The following CNTNAP2 variants were observed in gnomAD, a reference collection of about 807,000 sequenced individuals.
The protein encoded by CNTNAP2 is contactin associated protein 2, also known as contactin-associated protein-like 2.
CNTNAP2 carries 98 observed loss-of-function variants against 155.2 expected under a neutral mutation model. The observed-to-expected ratio is 0.63, with a 90% confidence interval of 0.54 to 0.75. CNTNAP2 has a LOEUF of 0.75. Among genes scored for constraint, CNTNAP2 ranks in the 30% least tolerant of loss-of-function variants. The pLI, the probability that CNTNAP2 is intolerant of heterozygous loss-of-function variation, is 0.00. For missense variants in CNTNAP2, 1,727 were observed against 1,688.1 expected, an observed-to-expected ratio of 1.02 and a Z score of -0.40; for synonymous variants, 651 against 631.2, an observed-to-expected ratio of 1.03 and a Z score of -0.47.
intron 1 of CNTNAP2, among the ~76,000 whole-genome samples, chr7:146,187,614 T>C (rs953337059): frequency 3.9e-5 from 6 of 152,050 alleles, no homozygotes; most frequent in African/African-American, 9.7e-5. Flanking sequence ...CTTTTTACCC[T>C]CTCCCTTTTT....
At chr7:146,934,274 A>G (rs549190176) in intron 3 of CNTNAP2, among the ~76,000 whole-genome samples, 1 of 152,114 alleles carries the variant, frequency 6.6e-6, no homozygotes, top group African/African-American at 2.4e-5. Context: ...AGAAATGATG[A>G]GTTCATGTCC....
At chr7:148,118,020 G>A in intron 15 of CNTNAP2, 98 bp from the exon 16 acceptor site, 12 of 1,251,370 alleles carry the variant, frequency 9.6e-6, no homozygotes, top group Non-Finnish European at 1.4e-5. Flanking sequence ...AATGACTATT[G>A]CTAATGGTAC....
chr7:146,822,037 G>T (rs1803295592), intron 2 of CNTNAP2, among the ~76,000 whole-genome samples: 1 of 152,000 alleles, frequency 6.6e-6, no homozygotes, highest in East Asian at 1.9e-4. Flanking sequence ...GTTTATTGCG[G>T]CACTATTCAC....
chr7:146,331,255 G>A (rs1454228088), intron 1 of CNTNAP2, among the ~76,000 whole-genome samples: 2 of 145,210 alleles, frequency 1.4e-5, no homozygotes, highest in Non-Finnish European at 3.0e-5. Flanking sequence ...AGTGAGCCGA[G>A]ATCGCGCCAC....
At chr7:147,481,909 G>GT (rs1798428905) in intron 10 of CNTNAP2, among the ~76,000 whole-genome samples, 1 of 152,086 alleles carries the variant, frequency 6.6e-6, no homozygotes, top group South Asian at 2.1e-4. Context: ...AAAAAAATTA[G>GT]TTTATTAGCG....
intron 10 of CNTNAP2, among the ~76,000 whole-genome samples, chr7:147,412,567 T>C (rs1797123291): frequency 6.6e-6 from 1 of 152,206 alleles, no homozygotes; most frequent in South Asian, 2.1e-4. Flanking sequence ...CCTGAGCTCA[T>C]GCCCCACTGT....
chr7:147,453,038 A>C (rs1257090558), intron 10 of CNTNAP2, among the ~76,000 whole-genome samples: 1 of 151,902 alleles, frequency 6.6e-6, no homozygotes, highest in Non-Finnish European at 1.5e-5. Flanking sequence ...AAAAGAGAGA[A>C]AGGGAAAGAA....
intron 8 of CNTNAP2, among the ~76,000 whole-genome samples, chr7:147,214,801 C>G (rs1803230414): frequency 6.6e-6 from 1 of 152,140 alleles, no homozygotes; most frequent in South Asian, 2.1e-4. Context: ...CATTTTCACA[C>G]TGCTATGAAG....
intron 5 of CNTNAP2, among the ~76,000 whole-genome samples, chr7:147,112,009 A>G (rs1360575978): frequency 1.3e-5 from 2 of 152,200 alleles, no homozygotes; most frequent in African/African-American, 4.8e-5. Flanking sequence ...ATCCATGAGC[A>G]TGGAATGTTT....
At chr7:146,575,515 C>T (rs1349505441) in intron 1 of CNTNAP2, among the ~76,000 whole-genome samples, 1 of 152,122 alleles carries the variant, frequency 6.6e-6, no homozygotes, top group Non-Finnish European at 1.5e-5. Flanking sequence ...ATACTTAGGG[C>T]TGATCCAATC....
intron 1 of CNTNAP2, among the ~76,000 whole-genome samples, chr7:146,391,228 C>A (rs1028076251): frequency 6.6e-6 from 1 of 151,142 alleles, no homozygotes; most frequent in East Asian, 1.9e-4. Flanking sequence ...GATCCTGGGA[C>A]GAAGTGGCTG....
chr7:147,686,618 T>G (rs1040046491), intron 13 of CNTNAP2, among the ~76,000 whole-genome samples: 21 of 151,802 alleles, frequency 1.4e-4, no homozygotes, highest in Admixed American at 4.6e-4. Context: ...GACTCATAGT[T>G]TGTAGAGATG....
intron 10 of CNTNAP2, among the ~76,000 whole-genome samples, chr7:147,436,896 AG>A (rs1563203543): frequency 1.3e-5 from 2 of 152,196 alleles, no homozygotes; most frequent in Admixed American, 6.6e-5. Context: ...AAAACATTCC[AG>A]GGTTTTAAAA....
chr7:147,862,872 G>C (rs1715166267), intron 13 of CNTNAP2, among the ~76,000 whole-genome samples: 2 of 151,866 alleles, frequency 1.3e-5, no homozygotes, highest in African/African-American at 4.8e-5. Context: ...GATTTCCAAA[G>C]GTATTATCCA....
At chr7:147,499,372 T>TA (rs957986281) in intron 11 of CNTNAP2, among the ~76,000 whole-genome samples, 11 of 151,058 alleles carry the variant, frequency 7.3e-5, no homozygotes, top group South Asian at 2.1e-4. Context: ...CTACTAAAAA[T>TA]AAAAAAAATA....
At chr7:146,417,632 T>A (rs181831748) in intron 1 of CNTNAP2, among the ~76,000 whole-genome samples, 5,404 of 152,240 alleles carry the variant, frequency 0.035, 342 homozygotes, top group African/African-American at 0.12. Flanking sequence ...CATCTCTCTT[T>A]TACTAACTTC....
At chr7:146,220,952 A>C (rs1361451408) in intron 1 of CNTNAP2, among the ~76,000 whole-genome samples, 1 of 152,230 alleles carries the variant, frequency 6.6e-6, no homozygotes, top group Non-Finnish European at 1.5e-5. Flanking sequence ...TCTGAGGCCT[A>C]TGCCCAAAGT....
At chr7:146,892,533 G>A (rs1032726045) in intron 3 of CNTNAP2, among the ~76,000 whole-genome samples, 4 of 152,202 alleles carry the variant, frequency 2.6e-5, no homozygotes, top group African/African-American at 7.2e-5. Context: ...AGACAAGGAA[G>A]TATAATCGGT....
intron 1 of CNTNAP2, among the ~76,000 whole-genome samples, chr7:146,709,807 C>T (rs567750567): frequency 6.6e-6 from 1 of 152,244 alleles, no homozygotes; most frequent in Admixed American, 6.5e-5. Context: ...GAGAGGCATA[C>T]TGGCCACAAA....
Sources: gnomAD v4.1 joint callset for allele counts (sites outside exome capture counted in the v4.1 genomes callset) on GRCh38, gnomAD v4.1.1 for gene constraint, MANE v1.5 for transcripts, NCBI Gene and HGNC (gene_info 2026-07-23, HGNC 2026-07-21) for gene names.